SNX29: variants seen among roughly 807,000 people sequenced by gnomAD.
SNX29 encodes the protein sorting nexin 29.
SNX29 carries 78 observed loss-of-function variants against 102.1 expected under a neutral mutation model. That is an observed-to-expected ratio of 0.76 (90% CI 0.64 to 0.92). The LOEUF is 0.92. SNX29 is among the 40% of genes least tolerant of loss of function. The pLI, the probability that SNX29 is intolerant of heterozygous loss-of-function variation, is 0.00. For synonymous variants in SNX29, 580 were observed against 414.5 expected, an observed-to-expected ratio of 1.40 and a Z score of -4.85; for missense variants, 1,280 against 1,061.7, an observed-to-expected ratio of 1.21 and a Z score of -2.86.
chr16:12,154,688 A>C (rs1193821783), intron 13 of SNX29, among the ~76,000 whole-genome samples: 1 of 152,162 alleles, frequency 6.6e-6, no homozygotes, highest in Non-Finnish European at 1.5e-5. Context: ...AACAACAAAT[A>C]GATCTCTCAT....
chr16:12,036,067 G>T (rs1208481369), intron 4 of SNX29, among the ~76,000 whole-genome samples: 1 of 151,918 alleles, frequency 6.6e-6, no homozygotes, highest in South Asian at 2.1e-4. Context: ...TTGTGTGTGG[G>T]TTTTTTTCTT....
chr16:12,026,073 T>G (rs963115600), intron 3 of SNX29, among the ~76,000 whole-genome samples: 1 of 152,212 alleles, frequency 6.6e-6, no homozygotes, highest in East Asian at 1.9e-4. Flanking sequence ...ATTGTTACCA[T>G]GGGTGTCGGG....
chr16:12,503,125 G>A (rs11862793), intron 19 of SNX29, among the ~76,000 whole-genome samples: 209 of 150,948 alleles, frequency 1.4e-3, no homozygotes, highest in African/African-American at 4.5e-3. Context: ...CCCCAGGGTC[G>A]CCTCAACTGC....
chr16:12,058,807 T>TTG (rs1567168333), intron 8 of SNX29, among the ~76,000 whole-genome samples: 2 of 137,448 alleles, frequency 1.5e-5, no homozygotes, highest in Non-Finnish European at 3.2e-5. Context: ...GTTTTTTTTT[T>TTG]TTTTTTTTTT....
chr16:11,993,949 C>A (rs545178804), intron 1 of SNX29, among the ~76,000 whole-genome samples: 8 of 152,060 alleles, frequency 5.3e-5, no homozygotes, highest in Non-Finnish European at 7.4e-5. Flanking sequence ...GGTGAAATCC[C>A]GTCTCTACTA....
chr16:12,109,514 C>T (rs537652247), intron 11 of SNX29, among the ~76,000 whole-genome samples: 43 of 152,212 alleles, frequency 2.8e-4, no homozygotes, highest in African/African-American at 3.9e-4. Context: ...TGTGAGTTTT[C>T]GAGGGGACAA....
At chr16:12,100,684 G>A (rs889223448) in intron 11 of SNX29, among the ~76,000 whole-genome samples, 4 of 151,270 alleles carry the variant, frequency 2.6e-5, no homozygotes, top group South Asian at 4.2e-4. Context: ...GCCCTGGGTG[G>A]GGGTGCTGGG....
chr16:12,251,213 A>T (rs2078410774), intron 14 of SNX29, among the ~76,000 whole-genome samples: 2 of 152,252 alleles, frequency 1.3e-5, no homozygotes, highest in Admixed American at 1.3e-4. Context: ...TGTAAAGTGG[A>T]CGTGATAATA....
chr16:12,380,826 T>TCCAACCAC (rs1567503317), intron 16 of SNX29, among the ~76,000 whole-genome samples: 3 of 43,418 alleles, frequency 6.9e-5, no homozygotes, highest in African/African-American at 2.6e-4. Context: ...CCGCCATCCA[T>TCCAACCAC]CCACCCACCC....
At chr16:12,067,859 C>A (rs1456077140) in intron 9 of SNX29, among the ~76,000 whole-genome samples, 1 of 152,128 alleles carries the variant, frequency 6.6e-6, no homozygotes, top group Non-Finnish European at 1.5e-5. Flanking sequence ...CAGCCCAAGG[C>A]TTATGGATTT....
chr16:12,536,974 C>T (rs574972920), intron 20 of SNX29, among the ~76,000 whole-genome samples: 18 of 149,024 alleles, frequency 1.2e-4, no homozygotes, highest in East Asian at 3.9e-4. Flanking sequence ...AGAGAGAACC[C>T]GTCTTAAAAA....
intron 13 of SNX29, among the ~76,000 whole-genome samples, chr16:12,165,561 A>C (rs1043984518): frequency 2.6e-5 from 4 of 152,202 alleles, no homozygotes; most frequent in African/African-American, 9.6e-5. Context: ...AACTTTACTT[A>C]TTTTTATTTT....
At chr16:12,264,339 T>C (rs2078863399) in intron 14 of SNX29, among the ~76,000 whole-genome samples, 2 of 152,240 alleles carry the variant, frequency 1.3e-5, no homozygotes, top group African/African-American at 4.8e-5. Flanking sequence ...GTTCTCTTCT[T>C]AAGGGCAGGC....
rs568859698 is a variant in SNX29 at position 12,380,097 on chromosome 16, C to T, written c.1900-18349C>T. Among the ~76,000 whole-genome samples the T allele has an allele frequency of 2.3e-4, 35 of 150,984 alleles. No homozygotes were observed. The Middle Eastern group carries it at 0.01, about 44-fold the overall frequency. On this transcript the variant is annotated intron_variant, in intron 16 of 20. Transcript: ENST00000566228. ...CCAATGCCCTAATTTCTTAACCTTGCAGAATGGAATTATCTGGAAGCTGCA... is the reference window on the plus strand; with the variant it reads ...CCAATGCCCTAATTTCTTAACCTTGTAGAATGGAATTATCTGGAAGCTGCA...
chr16:12,570,268 G>C lies in SNX29; in HGVS notation c.*1639G>C. 9.4e-7 allele frequency: 1 copy of C among 1,064,990 alleles called. No homozygotes were observed. Among genetic ancestry groups the C allele is most frequent in the Non-Finnish European group, 1.1e-6 (1 of 879,054 alleles). The allele number at this position is 1,064,990 out of a possible 1,614,324, so 66.0% of individuals were successfully genotyped here. The stretch of plus-strand genomic sequence containing the variant: ...AATGAGCTGGAGCATGTATGGAGGT[G>C]CGGACCCTGCAGTCAGTTTGCGAGT... On this transcript the variant is annotated 3_prime_UTR_variant, in exon 21 of 21. Coordinates refer to ENST00000566228, the MANE Select transcript of SNX29 (RefSeq NM_032167.5).
chr16:12,100,255 G>A (rs1239002504), intron 11 of SNX29, among the ~76,000 whole-genome samples: 2 of 152,176 alleles, frequency 1.3e-5, no homozygotes, highest in Admixed American at 1.3e-4. Flanking sequence ...GTCGACCTTT[G>A]GATTGGATCA....
At chr16:12,265,365 A>C (rs2078896504) in intron 14 of SNX29, among the ~76,000 whole-genome samples, 1 of 152,144 alleles carries the variant, frequency 6.6e-6, no homozygotes, top group East Asian at 1.9e-4. Flanking sequence ...GTGTGATAAC[A>C]GCTTTGATTT....
At chr16:12,542,976 C>G (rs1385447251) in intron 20 of SNX29, among the ~76,000 whole-genome samples, 1 of 152,138 alleles carries the variant, frequency 6.6e-6, no homozygotes, top group Non-Finnish European at 1.5e-5. Context: ...GTACTTACTA[C>G]TCCTGTAACT....
At chr16:12,140,459 T>A (rs1432932516) in intron 13 of SNX29, among the ~76,000 whole-genome samples, 2 of 152,186 alleles carry the variant, frequency 1.3e-5, no homozygotes, top group Non-Finnish European at 2.9e-5. Context: ...CTGAACTCCG[T>A]GGAGCAGGAA....
Sources: allele counts gnomAD v4.1 joint callset (sites outside exome capture counted in the v4.1 genomes callset), GRCh38; gene constraint gnomAD v4.1.1; transcripts MANE v1.5; gene names NCBI Gene and HGNC (gene_info 2026-07-23, HGNC 2026-07-21).